METTL2A: variants seen among roughly 807,000 people sequenced by gnomAD.
The protein encoded by METTL2A is tRNA N(3)-cytidine methyltransferase METTL2A.
METTL2A carries 45 observed loss-of-function variants against 49.4 expected under a neutral mutation model. That is an observed-to-expected ratio of 0.91 (90% CI 0.72 to 1.17). The LOEUF (loss-of-function observed/expected upper bound fraction) is 1.17, where lower values mean the gene tolerates loss of function less well. Among genes scored for constraint, METTL2A ranks in the 50% most tolerant of loss-of-function variants. METTL2A has a pLI of 0.00. For synonymous variants in METTL2A, 118 were observed against 167.5 expected (o/e 0.70, Z 2.28); for missense variants, 361 against 462.2 (o/e 0.78, Z 2.01).
intron 5 of METTL2A, among the ~76,000 whole-genome samples, chr17:62,440,029 T>C (rs1181210455): frequency 6.6e-6 from 1 of 151,760 alleles, no homozygotes; most frequent in Non-Finnish European, 1.5e-5. Flanking sequence ...CTTTTTTTTT[T>C]TTTTTCTTTT....
intron 6 of METTL2A, among the ~76,000 whole-genome samples, chr17:62,442,128 T>C (rs1276857341): frequency 6.6e-6 from 1 of 152,190 alleles, no homozygotes; most frequent in Non-Finnish European, 1.5e-5. Context: ...TTAACTAAGG[T>C]GTTCTCTGAT....
At chr17:62,439,763 T>C (rs1397122321) in intron 5 of METTL2A, among the ~76,000 whole-genome samples, 1 of 151,208 alleles carries the variant, frequency 6.6e-6, no homozygotes, top group Non-Finnish European at 1.5e-5. Context: ...TCCTTACGAA[T>C]GTTTTTTTTT....
chr17:62,451,145 T>C lies in METTL2A; in HGVS notation c.*2416T>C, dbSNP rs2070803469. 2.3e-4 allele frequency among the ~76,000 whole-genome samples: 1 copy of C among 4,302 alleles called. No individual in the cohort carries two copies. The highest frequency in any genetic ancestry group is 2.6e-4 in the African/African-American group (1 of 3,826). 2.8% of individuals were successfully genotyped at this position (4,302 alleles called of 152,430 possible). ...TGGGTAATGTAGCAAGACCCTGACT[T>C]TTTTTTTTTTTTTTTTTTGAGACAG... On this transcript the variant is annotated 3_prime_UTR_variant, in exon 9 of 9. Coordinates refer to ENST00000311506, the MANE Select transcript of METTL2A (RefSeq NM_181725.4).
At chr17:62,426,704 T>G in intron 3 of METTL2A, 50 bp downstream of exon 3, 1 of 1,034,186 alleles carries the variant, frequency 9.7e-7, no homozygotes, top group Admixed American at 2.6e-5. Flanking sequence ...ATTATATTTG[T>G]GCACATGAGG....
At position 62,426,445 on chromosome 17, in the gene METTL2A, T is replaced by G. The variant is rs781567892; in HGVS notation, c.349T>G (p.Leu117Val). The G allele has an allele frequency of 6.2e-7, 1 of 1,614,054 alleles. No homozygotes were observed. Among genetic ancestry groups the G allele is most frequent in the African/African-American group, 1.3e-5 (1 of 74,926 alleles). The stretch of plus-strand genomic sequence containing the variant: ...TCAAAATCATTTGAAGGACTGGTTC[T>G]TGGAGAACAAGAGTGAAGTACCTGA... ...QNQNHLKDWF[L>V]ENKSEVPECR... is the part of the protein sequence containing the mutation. The change falls in exon 3 of 9, where the codon TTG (leucine) becomes GTG (valine). Residue 117 changes from leucine (L) to valine (V), a missense_variant. Leu to Val is a conservative substitution (Grantham distance 32). Around this residue, in one of 3 missense-constraint regions of METTL2A, gnomAD observed 150 missense variants for 170.1 expected, o/e 0.88. Coordinates refer to ENST00000311506, the MANE Select transcript of METTL2A (RefSeq NM_181725.4).
rs1362815175 is a variant in METTL2A at position 62,451,720 on chromosome 17, C to T, written c.*2991C>T. On this transcript the variant is annotated 3_prime_UTR_variant, in exon 9 of 9. Transcript: ENST00000311506. The stretch of plus-strand genomic sequence containing the variant: ...CAGCCTGACCAACATGGAGAAACCC[C>T]GTCTCTACTAAAAATACAAAATAGC... Among the ~76,000 whole-genome samples, 10 of 151,782 alleles carry T rather than the reference C, an allele frequency of 6.6e-5. No individual in the cohort carries two copies. In the East Asian group the frequency reaches 9.8e-4, roughly 15 times the overall value.
chr17:62,448,571 C>T lies in METTL2A; in HGVS notation c.983-4C>T. The T allele has an allele frequency of 6.2e-7, 1 of 1,613,648 alleles. No homozygotes were observed. The highest frequency in any genetic ancestry group is 8.5e-7 in the Non-Finnish European group (1 of 1,179,848). On this transcript the variant is annotated splice_region_variant and splice_polypyrimidine_tract_variant and intron_variant, in intron 8 of 8. Coordinates refer to ENST00000311506, the MANE Select transcript of METTL2A (RefSeq NM_181725.4). ...GCATAAACATCTTTTATTTTCCACACTAGAGGAACTGGACACGCTTTTCAC... is the reference window on the plus strand; with the variant it reads ...GCATAAACATCTTTTATTTTCCACATTAGAGGAACTGGACACGCTTTTCAC...
At chr17:62,437,842 C>A (rs148303302) in intron 5 of METTL2A, among the ~76,000 whole-genome samples, 286 of 152,046 alleles carry the variant, frequency 1.9e-3, no homozygotes, top group African/African-American at 6.7e-3. Context: ...TTTGGTGGCA[C>A]GCACCTGTTG....
Position 62,448,586 on chromosome 17 carries a change from A to G in METTL2A, c.994A>G (p.Thr332Ala). The G allele has an allele frequency of 6.2e-7, 1 of 1,613,996 alleles. No individual in the cohort carries two copies. The highest frequency in any genetic ancestry group is 8.5e-7 in the Non-Finnish European group (1 of 1,179,966). The change falls in exon 9 of 9, where the codon ACG becomes GCG. Residue 332 changes from threonine to alanine, a missense_variant. This residue lies in a region of METTL2A where 183 missense variants were observed against 216.5 expected (regional missense o/e 0.85). Transcript: ENST00000311506. ...ATTTTCCACACTAGAGGAACTGGACACGCTTTTCACCACTGCTGGACTGGA... is the reference window on the plus strand; with the variant it reads ...ATTTTCCACACTAGAGGAACTGGACGCGCTTTTCACCACTGCTGGACTGGA... ...VYFFTQEELD[T>A]LFTTAGLEKV...
At chr17:62,430,225 C>T (rs922493773) in intron 4 of METTL2A, among the ~76,000 whole-genome samples, 10 of 152,176 alleles carry the variant, frequency 6.6e-5, no homozygotes, top group Admixed American at 4.6e-4. Context: ...TTGTTCTGCT[C>T]TTGAAGTTAC....
intron 8 of METTL2A, among the ~76,000 whole-genome samples, chr17:62,448,067 G>C (rs183607116): frequency 1.3e-5 from 2 of 152,276 alleles, no homozygotes; most frequent in East Asian, 3.9e-4. Context: ...AGTCCAGCCT[G>C]TTTCACCCTC....
chr17:62,424,365 C>G lies in METTL2A; in HGVS notation c.202+55C>G. On this transcript the variant is annotated intron_variant, in intron 2 of 8. Transcript: ENST00000311506. ...AACAGCCAGCGTACTGCCGAACGCG[C>G]CCTCCCGGAGAGGCCAGGGAACCGC... 4 of 1,608,544 alleles carry G rather than the reference C, an allele frequency of 2.5e-6. No homozygotes were observed. In the Admixed American group the frequency reaches 6.8e-5, roughly 28 times the overall value.
At chr17:62,426,963 T>C (rs1198477607) in intron 3 of METTL2A, among the ~76,000 whole-genome samples, 24 of 152,212 alleles carry the variant, frequency 1.6e-4, no homozygotes, top group Non-Finnish European at 1.5e-5. Context: ...GAGCTCAACA[T>C]GATCATGCTA....
intron 5 of METTL2A, among the ~76,000 whole-genome samples, chr17:62,436,432 G>T (rs2070700611): frequency 6.6e-6 from 1 of 151,920 alleles, no homozygotes; most frequent in Non-Finnish European, 1.5e-5. Context: ...GGCACCTGTA[G>T]TCCCAGCTAC....
chr17:62,447,400 CAA>C (rs1173440829), intron 7 of METTL2A, among the ~76,000 whole-genome samples: 3 of 152,110 alleles, frequency 2.0e-5, no homozygotes, highest in Non-Finnish European at 4.4e-5. Context: ...GCCTAGGCAA[CAA>C]GAGCGAAACT....
At chr17:62,436,055 C>A (rs1487062460) in intron 5 of METTL2A, among the ~76,000 whole-genome samples, 1 of 151,846 alleles carries the variant, frequency 6.6e-6, no homozygotes, top group South Asian at 2.1e-4. Flanking sequence ...CCAAGTGAAA[C>A]CCTGTCTCTA....
In METTL2A at chr17:62,452,861, C is replaced by T. The variant is rs1180604650; in HGVS notation, c.*4132C>T. 2.0e-5 allele frequency among the ~76,000 whole-genome samples: 3 copies of T among 152,122 alleles called. No homozygotes were observed. The highest frequency in any genetic ancestry group is 4.4e-5 in the Non-Finnish European group (3 of 68,026). On this transcript the variant is annotated 3_prime_UTR_variant, in exon 9 of 9. Transcript: ENST00000311506. ...CTGAGCTCAAGCAATCCTCCCACCT[C>T]GGCCTCCCAAAGTGCTGGGATGAGC...
chr17:62,448,556 C>G lies in METTL2A; in HGVS notation c.983-19C>G, dbSNP rs375024347. On this transcript the variant is annotated intron_variant, in intron 8 of 8. Coordinates refer to ENST00000311506, the MANE Select transcript of METTL2A (RefSeq NM_181725.4). ...CTTGAGGGGAAAAATGCATAAACATCTTTTATTTTCCACACTAGAGGAACT... is the reference window on the plus strand; with the variant it reads ...CTTGAGGGGAAAAATGCATAAACATGTTTTATTTTCCACACTAGAGGAACT... The G allele has an allele frequency of 1.2e-6, 2 of 1,610,828 alleles. No homozygotes were observed. The highest frequency in any genetic ancestry group is 2.7e-5 in the African/African-American group (2 of 74,728).
At chr17:62,447,091 T>C (rs1031929202) in intron 7 of METTL2A, among the ~76,000 whole-genome samples, 1 of 152,072 alleles carries the variant, frequency 6.6e-6, no homozygotes, top group Non-Finnish European at 1.5e-5. Flanking sequence ...TTGTCTCAAG[T>C]TTCCTTAAAC....
Sources: gnomAD v4.1 joint callset for allele counts (sites outside exome capture counted in the v4.1 genomes callset) on GRCh38, gnomAD v4.1.1 for gene constraint, gnomAD v4.1.1 regional missense constraint, MANE v1.5 for transcripts, NCBI Gene and HGNC (gene_info 2026-07-23, HGNC 2026-07-21) for gene names.